MCPH1: variants seen among roughly 807,000 people sequenced by gnomAD.
MCPH1 encodes microcephalin.
A neutral mutation model predicts 84.5 loss-of-function variants in MCPH1; 104 were observed. The ratio of observed to expected loss-of-function variants is 1.23; its 90% CI spans 1.05 to 1.45. The LOEUF (loss-of-function observed/expected upper bound fraction) is 1.45. MCPH1 is among the 40% of genes most tolerant of loss of function. MCPH1 has a pLI of 0.00. For missense variants in MCPH1, 1,498 were observed against 1,005.7 expected (o/e 1.49, Z -6.62); for synonymous variants, 514 against 366.8 (o/e 1.40, Z -4.58).
At chr8:6,495,814 C>T (rs2442481) in intron 11 of MCPH1, among the ~76,000 whole-genome samples, 150,291 of 152,300 alleles carry the variant, frequency 0.99, 74,181 homozygotes, top group East Asian at 1. Context: ...TCCAGTAAAG[C>T]GGAATGTAAA....
rs557245193 is a variant in MCPH1, at chr8:6,467,728, C to T, written c.1936-9866C>T. Among the ~76,000 whole-genome samples, 10 of 152,282 alleles carry T rather than the reference C, an allele frequency of 6.6e-5. No homozygotes were observed. In the East Asian group the frequency reaches 1.9e-3, roughly 29 times the overall value. On this transcript the variant is annotated intron_variant, in intron 9 of 13. Transcript: ENST00000344683. Reference sequence around the variant, plus strand: ...CCTCCAGCCTTGGCCTCATGAGTAGCTGAGACTCCAGGCAGGTGCCACCAT... The same window carrying T: ...CCTCCAGCCTTGGCCTCATGAGTAGTTGAGACTCCAGGCAGGTGCCACCAT...
chr8:6,457,924 C>G (rs1477772921), intron 9 of MCPH1, among the ~76,000 whole-genome samples: 1 of 152,106 alleles, frequency 6.6e-6, no homozygotes. Context: ...ACCTGGGGAT[C>G]TGTAAGGTTT....
chr8:6,635,627 C>T (rs1018327568), intron 13 of MCPH1, among the ~76,000 whole-genome samples: 1 of 152,112 alleles, frequency 6.6e-6, no homozygotes, highest in Non-Finnish European at 1.5e-5. Context: ...ATATTTTGTA[C>T]ATGAAACAAA....
intron 12 of MCPH1, among the ~76,000 whole-genome samples, chr8:6,504,021 A>G (rs1812728031): frequency 6.6e-6 from 1 of 152,170 alleles, no homozygotes. Context: ...AAATCTAGAA[A>G]TATTCTATAA....
intron 11 of MCPH1, among the ~76,000 whole-genome samples, chr8:6,486,171 A>T (rs1271495154): frequency 1.3e-5 from 2 of 152,218 alleles, no homozygotes; most frequent in Admixed American, 1.3e-4. Context: ...ATATAACTTC[A>T]GATATAAACT....
chr8:6,590,715 C>G (rs1159721718), intron 12 of MCPH1, among the ~76,000 whole-genome samples: 2 of 152,202 alleles, frequency 1.3e-5, no homozygotes, highest in African/African-American at 2.4e-5. Context: ...TTGCCATCTG[C>G]TAACTCATTT....
chr8:6,621,074 T>G (rs1831361196), intron 12 of MCPH1: 2 of 327,022 alleles, frequency 6.1e-6, no homozygotes, highest in South Asian at 2.8e-5. Context: ...GCATTTGCAG[T>G]GCATTAGAAT....
At chr8:6,537,763 A>G (rs2129572951) in intron 12 of MCPH1, among the ~76,000 whole-genome samples, 1 of 152,250 alleles carries the variant, frequency 6.6e-6, no homozygotes, top group East Asian at 1.9e-4. Context: ...TTATACCAAA[A>G]GAAAAGTAAT....
intron 12 of MCPH1, among the ~76,000 whole-genome samples, chr8:6,550,937 CCT>C (rs532474941): frequency 9.7e-4 from 147 of 152,290 alleles, no homozygotes; most frequent in African/African-American, 3.5e-3. Context: ...GGAAGGAGTG[CCT>C]CTCTCTGTTT....
chr8:6,434,804 G>A (rs1802404565), intron 4 of MCPH1, among the ~76,000 whole-genome samples: 2 of 152,188 alleles, frequency 1.3e-5, no homozygotes, highest in African/African-American at 2.4e-5. Flanking sequence ...GTAGCTTCGC[G>A]CTGAAAACGA....
At chr8:6,606,770 T>C (rs1644037324) in intron 12 of MCPH1, among the ~76,000 whole-genome samples, 1 of 152,164 alleles carries the variant, frequency 6.6e-6, no homozygotes, top group Admixed American at 6.5e-5. Context: ...TGGGAGGTAA[T>C]TGAATCACAG....
intron 12 of MCPH1, among the ~76,000 whole-genome samples, chr8:6,522,381 G>C (rs1038620278): frequency 1.4e-4 from 21 of 151,200 alleles, no homozygotes; most frequent in African/African-American, 5.1e-4. Context: ...AAATGTAAAC[G>C]CTTAGACTAG....
chr8:6,595,579 C>T (rs978304533), intron 12 of MCPH1, among the ~76,000 whole-genome samples: 7 of 152,150 alleles, frequency 4.6e-5, no homozygotes, highest in East Asian at 1.9e-4. Flanking sequence ...AGAAGAGATG[C>T]GGGAGCCCTG....
At chr8:6,532,589 A>T in intron 12 of MCPH1, 3 of 868,060 alleles carry the variant, frequency 3.5e-6, no homozygotes, top group Admixed American at 7.3e-5. Flanking sequence ...AAAAAAAAAA[A>T]AAATCTATCA....
In MCPH1 at chr8:6,505,225, T is replaced by TTTATA. The variant is rs1238074522; in HGVS notation, c.2214+5297_2214+5298insTATAT. ...ATATATAGAATATATATATATATTC[T>TTTATA]TATGTATATATAGAATATATATTCT... On this transcript the variant is annotated intron_variant, in intron 12 of 13. Coordinates refer to ENST00000344683, the MANE Select transcript of MCPH1 (RefSeq NM_024596.5). Among the ~76,000 whole-genome samples the TTTATA allele has an allele frequency of 1.4e-3, 94 of 67,914 alleles. 21 individuals are homozygous for TTTATA. The highest frequency in any genetic ancestry group is 7.5e-3 in the African/African-American group (84 of 11,196). The allele number at this position is 67,914 out of a possible 152,430, so 44.6% of individuals were successfully genotyped here.
rs915476702 is a variant in MCPH1 at position 6,473,775 on chromosome 8, A to C, written c.1936-3819A>C. 4 of 919,856 alleles carry C rather than the reference A, an allele frequency of 4.3e-6. No homozygotes were observed. The African/African-American group carries it at 6.7e-5, about 15-fold the overall frequency. 57.0% of individuals were successfully genotyped at this position (919,856 alleles called of 1,614,324 possible). ...TTTAATAAAGCGTTCCTGATACTTA[A>C]ACAATTTCTATGATGTCAGCAGAGA... On this transcript the variant is annotated intron_variant, in intron 9 of 13. Transcript: ENST00000344683.
chr8:6,621,397 C>T (rs533066252), intron 12 of MCPH1, 57 bp from the exon 13 acceptor site: 215 of 1,602,818 alleles, frequency 1.3e-4, no homozygotes, highest in South Asian at 6.4e-4. Context: ...AGTTCGCCTA[C>T]GCTATGGAGA....
chr8:6,622,020 C>T, intron 13 of MCPH1: 1 of 405,804 alleles, frequency 2.5e-6, no homozygotes, highest in Non-Finnish European at 4.9e-6. Flanking sequence ...CCCTCTTAGA[C>T]CCTCCCTCCC....
At chr8:6,544,530 A>T (rs2129574293) in intron 12 of MCPH1, among the ~76,000 whole-genome samples, 1 of 152,320 alleles carries the variant, frequency 6.6e-6, no homozygotes, top group East Asian at 1.9e-4. Flanking sequence ...GATGTTTCCA[A>T]GTCATTTTCG....
Sources: gnomAD v4.1 joint callset for allele counts (sites outside exome capture counted in the v4.1 genomes callset) on GRCh38, gnomAD v4.1.1 for gene constraint, MANE v1.5 for transcripts, NCBI Gene and HGNC (gene_info 2026-07-23, HGNC 2026-07-21) for gene names.